Variants in CENPC observed in about 807,000 individuals in gnomAD.
CENPC encodes the protein CENP-C 1.
A neutral mutation model predicts 112.1 loss-of-function variants in CENPC; 63 were observed. That is an observed-to-expected ratio of 0.56 (90% CI 0.46 to 0.69). The LOEUF is 0.69. CENPC is among the 30% of genes least tolerant of loss of function. CENPC has a pLI of 0.00. For missense variants in CENPC, 1,000 were observed against 1,103.8 expected (o/e 0.91, Z 1.33); for synonymous variants, 333 against 367.6 (o/e 0.91, Z 1.08).
intron 10 of CENPC, among the ~76,000 whole-genome samples, chr4:67,508,559 A>T (rs1306457718): frequency 2.8e-4 from 42 of 151,598 alleles, no homozygotes; most frequent in Non-Finnish European, 5.2e-4. Context: ...GATGACAATA[A>T]TATCTTATTA....
chr4:67,502,113 T>A (rs1004017614), intron 12 of CENPC, among the ~76,000 whole-genome samples: 1 of 151,934 alleles, frequency 6.6e-6, no homozygotes, highest in Non-Finnish European at 1.5e-5. Context: ...AGCAATACGG[T>A]GATAGTTTAA....
chr4:67,505,157 T>C (rs773594453), intron 12 of CENPC, 48 bp downstream of exon 12: 22 of 1,310,936 alleles, frequency 1.7e-5, no homozygotes, highest in Non-Finnish European at 2.2e-5. Context: ...CCTTACTCCA[T>C]ATTCATAATG....
intron 7 of CENPC, among the ~76,000 whole-genome samples, chr4:67,516,180 T>G (rs924521359): frequency 6.6e-6 from 1 of 152,056 alleles, no homozygotes; most frequent in South Asian, 2.1e-4. Flanking sequence ...GCATTGAGAT[T>G]ACACAGTACC....
In CENPC at chr4:67,470,156, G is replaced by C. The variant is rs1160184177; in HGVS notation, c.*2449C>G. On this transcript the variant is annotated 3_prime_UTR_variant, in exon 19 of 19. Coordinates refer to ENST00000273853, the MANE Select transcript of CENPC (RefSeq NM_001812.4). ...GCAAATGTGCAGAGCAAAATTCTGA[G>C]ACATGACAGAAGCCTATGAGCTGAA... 6.6e-6 allele frequency: 1 copy of C among 152,226 alleles called. No individual in the cohort carries two copies. Among genetic ancestry groups the C allele is most frequent in the Non-Finnish European group, 1.5e-5 (1 of 68,052 alleles). 9.4% of individuals were successfully genotyped at this position (152,226 alleles called of 1,614,324 possible).
chr4:67,536,081 T>C (rs1014603976), intron 4 of CENPC, among the ~76,000 whole-genome samples: 4 of 152,124 alleles, frequency 2.6e-5, no homozygotes, highest in African/African-American at 7.2e-5. Flanking sequence ...TGAACCAGAA[T>C]AGACTGCTGA....
intron 4 of CENPC, among the ~76,000 whole-genome samples, chr4:67,534,528 A>G (rs1472956006): frequency 3.9e-5 from 6 of 152,246 alleles, no homozygotes; most frequent in Non-Finnish European, 8.8e-5. Context: ...AGGTGAAGTT[A>G]AGGGCAATAC....
chr4:67,525,437 G>C (rs1317135597), intron 5 of CENPC, among the ~76,000 whole-genome samples: 1 of 152,110 alleles, frequency 6.6e-6, no homozygotes, highest in African/African-American at 2.4e-5. Context: ...CTAATATCCA[G>C]AATCTACAAG....
At chr4:67,535,836 A>G (rs355490) in intron 4 of CENPC, among the ~76,000 whole-genome samples, 11 of 151,230 alleles carry the variant, frequency 7.3e-5, no homozygotes, top group Non-Finnish European at 1.6e-4. Flanking sequence ...GGGAAAAAAA[A>G]TCAAGAAACA....
At chr4:67,495,101 A>G (rs1050268581) in intron 13 of CENPC, 58 bp downstream of exon 13, 81 of 1,377,142 alleles carry the variant, frequency 5.9e-5, no homozygotes, top group Non-Finnish European at 7.6e-5. Context: ...TATATTTAGA[A>G]ACAGAAACTT....
At chr4:67,541,606 T>C (rs1057448973) in intron 2 of CENPC, among the ~76,000 whole-genome samples, 1 of 152,180 alleles carries the variant, frequency 6.6e-6, no homozygotes, top group Non-Finnish European at 1.5e-5. Context: ...TGCAAAACTA[T>C]AGCATATTAT....
chr4:67,513,756 GA>G (rs1725965854), intron 8 of CENPC, among the ~76,000 whole-genome samples: 1 of 152,022 alleles, frequency 6.6e-6, no homozygotes, highest in African/African-American at 2.4e-5. Context: ...GGTACCCTGG[GA>G]TTTTTTTTAA....
At chr4:67,492,665 T>G (rs996433368) in intron 15 of CENPC, 1 of 810,346 alleles carries the variant, frequency 1.2e-6, no homozygotes, top group African/African-American at 1.8e-5. Context: ...TGAAGAAATT[T>G]ATAATATGCT....
chr4:67,498,882 T>C (rs527422209), intron 12 of CENPC, among the ~76,000 whole-genome samples: 1 of 152,340 alleles, frequency 6.6e-6, no homozygotes, highest in Admixed American at 6.5e-5. Flanking sequence ...AGAAGGTTTA[T>C]TTACTTTGTC....
At position 67,508,902 on chromosome 4, in the gene CENPC, G is replaced by A; in HGVS notation, c.1816C>T (p.His606Tyr). The change falls in exon 10 of 19, where the codon CAT (histidine) becomes TAT (tyrosine). Residue 606 changes from histidine to tyrosine, a missense_variant. Physicochemically the swap from His to Tyr is moderately conservative, Grantham distance 83. Transcript: ENST00000273853. ...AGCGAACATCTGGAAATTTCATCAT[G>A]ACCAACGATACCTCCAGAACCTTCA... Reference protein sequence around the residue: ...NAEGSGGIVGHDEISRCSLSE... With the variant: ...NAEGSGGIVGYDEISRCSLSE... 8 of 1,613,588 alleles carry A rather than the reference G, an allele frequency of 5.0e-6. No individual in the cohort carries two copies. Among genetic ancestry groups the A allele is most frequent in the Non-Finnish European group, 5.9e-6 (7 of 1,179,720 alleles).
intron 16 of CENPC, among the ~76,000 whole-genome samples, chr4:67,490,837 AATATATATATATATATAT>A (rs57498869): frequency 5.3e-5 from 3 of 57,112 alleles, no homozygotes; most frequent in Admixed American, 2.5e-4. Context: ...TATAGAAATA[AATATATATATATATATAT>A]ATATATATAT....
intron 17 of CENPC, among the ~76,000 whole-genome samples, chr4:67,485,418 C>T (rs555049101): frequency 6.6e-6 from 1 of 152,224 alleles, no homozygotes; most frequent in South Asian, 2.1e-4. Flanking sequence ...TGAGATTCAG[C>T]CATTGTTAGA....
intron 4 of CENPC, among the ~76,000 whole-genome samples, chr4:67,531,383 G>C (rs1726544065): frequency 6.6e-6 from 1 of 152,166 alleles, no homozygotes; most frequent in Non-Finnish European, 1.5e-5. Context: ...CTGCAGGAAA[G>C]AGTTAACATA....
In CENPC at chr4:67,518,299, A is replaced by G. The variant is rs758115511; in HGVS notation, c.687T>C (p.Asp229=). The change falls in exon 7 of 19, where the codon GAT becomes GAC. Residue 229 remains aspartate, a synonymous_variant. Transcript: ENST00000273853. ...EIDNKVSDEE[D]KTSEGQERKP... is the part of the protein sequence containing the mutation. ...TTCTTTCTTGTCCTTCCGATGTTTTATCCTCTTCATCTGATACTTTATTAT... is the reference window on the plus strand; with the variant it reads ...TTCTTTCTTGTCCTTCCGATGTTTTGTCCTCTTCATCTGATACTTTATTAT... The G allele has an allele frequency of 2.3e-4, 355 of 1,551,130 alleles. No homozygotes were observed. Among genetic ancestry groups the G allele is most frequent in the Non-Finnish European group, 2.7e-4 (309 of 1,147,862 alleles).
At chr4:67,519,569 T>TA (rs1294819926) in intron 5 of CENPC, 67 bp from the exon 6 acceptor site, 10 of 1,078,610 alleles carry the variant, frequency 9.3e-6, no homozygotes, top group African/African-American at 3.2e-5. Flanking sequence ...GCAGGCTTTT[T>TA]AAAAATTCTG....
Sources: gnomAD v4.1 joint callset for allele counts (sites outside exome capture counted in the v4.1 genomes callset) on GRCh38, gnomAD v4.1.1 for gene constraint, MANE v1.5 for transcripts, NCBI Gene and HGNC (gene_info 2026-07-23, HGNC 2026-07-21) for gene names.